Variants in LRGUK observed in about 807,000 individuals in gnomAD.
LRGUK encodes leucine-rich repeat and guanylate kinase domain-containing protein.
A neutral mutation model predicts 76.0 loss-of-function variants in LRGUK; 65 were observed. The ratio of observed to expected loss-of-function variants is 0.85; its 90% CI spans 0.70 to 1.05. LRGUK has a LOEUF of 1.05. LRGUK is among the 50% of genes least tolerant of loss of function. The probability of loss-of-function intolerance (pLI) is 0.00; values close to 1 mark genes in which losing one functional copy is unlikely to be tolerated. For missense variants in LRGUK, 758 were observed against 732.8 expected, an observed-to-expected ratio of 1.03 and a Z score of -0.40; for synonymous variants, 268 against 265.6, an observed-to-expected ratio of 1.01 and a Z score of -0.09.
At position 134,264,022 on chromosome 7, in the gene LRGUK, A is replaced by T. The variant is rs768449209; in HGVS notation, c.*47A>T. 4.4e-5 allele frequency: 68 copies of T among 1,558,828 alleles called. No individual in the cohort carries two copies. The South Asian group carries it at 8.5e-4, about 19-fold the overall frequency. On this transcript the variant is annotated 3_prime_UTR_variant, in exon 20 of 20. Coordinates refer to the LRGUK transcript ENST00000285928. ...CTAACATGGAAAACCTGCTCTGCTG[A>T]TGTCGAATTCCTTGCCTTACCTGGC...
At chr7:134,191,656 G>A (rs1197284104) in exon 12 of LRGUK, 2 of 1,603,448 alleles carry the variant, frequency 1.2e-6, no homozygotes, top group Non-Finnish European at 1.7e-6. Context: ...TGATTTCAGG[G>A]CCTGTCATAC....
At chr7:134,259,910 C>T (rs1247676118) in intron 19 of LRGUK, among the ~76,000 whole-genome samples, 2 of 152,078 alleles carry the variant, frequency 1.3e-5, no homozygotes, top group Non-Finnish European at 2.9e-5. Flanking sequence ...GTTCATGGAC[C>T]GTCCCCATCT....
At position 134,145,493 on chromosome 7, in the gene LRGUK, C is replaced by T. The variant is rs184587479; in HGVS notation, c.588+2331C>T. On this transcript the variant is annotated intron_variant, in intron 4 of 15. Coordinates refer to ENST00000645682, the Ensembl canonical transcript of LRGUK. ...AACTCCTGATCTCAGCTGATCTGCC[C>T]GCCTTGGCCTCCCAAAGTGCTGGGA... 1.9e-3 allele frequency among the ~76,000 whole-genome samples: 289 copies of T among 152,264 alleles called. 3 individuals carry two copies. The highest frequency in any genetic ancestry group is 3.4e-3 in the Non-Finnish European group (230 of 68,018).
chr7:134,161,223 A>T (rs1425089117), intron 6 of LRGUK, among the ~76,000 whole-genome samples: 1 of 152,214 alleles, frequency 6.6e-6, no homozygotes, highest in Non-Finnish European at 1.5e-5. Context: ...TATATTGTAT[A>T]TAAATTTGAT....
At position 134,199,382 on chromosome 7, in the gene LRGUK, C is replaced by T. The variant is rs373471331; in HGVS notation, c.1708C>T (p.Gln570Ter). 5.0e-6 allele frequency: 8 copies of T among 1,613,480 alleles called. No homozygotes were observed. The highest frequency in any genetic ancestry group is 6.8e-6 in the Non-Finnish European group (8 of 1,179,788). ...AGTGGACCTTTATATTAAAATTAATCAGAATTTTCCGGGATATTTTGATGA... is the reference window on the plus strand; with the variant it reads ...AGTGGACCTTTATATTAAAATTAATTAGAATTTTCCGGGATATTTTGATGA... The change falls in exon 14 of 16, where the codon CAG becomes TAG. Residue 570 changes from glutamine (Q) to a stop codon, truncating the protein, a stop_gained. Transcript: ENST00000645682. LOFTEE classifies it high-confidence loss of function.
intron 1 of LRGUK, among the ~76,000 whole-genome samples, chr7:134,129,133 TCC>T (rs1797167329): frequency 1.1e-5 from 1 of 91,054 alleles, no homozygotes; most frequent in African/African-American, 4.6e-5. Context: ...CCTCTTTCCC[TCC>T]CTCCCTCCCT....
chr7:134,181,231 T>C (rs1168192593), intron 10 of LRGUK, among the ~76,000 whole-genome samples: 1 of 152,190 alleles, frequency 6.6e-6, no homozygotes, highest in East Asian at 1.9e-4. Flanking sequence ...TTGCATGTTA[T>C]AACAATGTAT....
At chr7:134,238,399 A>G (rs568564037) in intron 16 of LRGUK, among the ~76,000 whole-genome samples, 1 of 151,620 alleles carries the variant, frequency 6.6e-6, no homozygotes, top group East Asian at 1.9e-4. Flanking sequence ...AATATTCATC[A>G]TTTTCTCTTG....
rs560729218 is a variant in LRGUK at position 134,127,682 on chromosome 7, C to T, written c.297+18C>T. The T allele has an allele frequency of 1.9e-6, 3 of 1,601,490 alleles. No individual in the cohort carries two copies. The highest frequency in any genetic ancestry group is 2.6e-6 in the Non-Finnish European group (3 of 1,173,322). On this transcript the variant is annotated intron_variant, in intron 1 of 15. Transcript: ENST00000645682. ...ATTTGGAGGTGTGTCTTCCCCCCCA[C>T]CCCGTACTCCCTGGCTCCCTCGTCC...
downstream of LRGUK, among the ~76,000 whole-genome samples, chr7:134,269,284 GT>G (rs1248717463): frequency 2.7e-5 from 4 of 150,134 alleles, no homozygotes; most frequent in African/African-American, 4.9e-5. Flanking sequence ...TAACCTTTCT[GT>G]TGTTAATTTC....
downstream of LRGUK, among the ~76,000 whole-genome samples, chr7:134,210,968 G>T (rs1801241890): frequency 6.6e-6 from 1 of 152,340 alleles, no homozygotes; most frequent in Admixed American, 6.5e-5. Flanking sequence ...CAAGGTTTAA[G>T]CCATCCCTGG....
exon 6 of LRGUK, chr7:134,158,145 A>G: frequency 1.9e-6 from 3 of 1,612,636 alleles, no homozygotes; most frequent in Non-Finnish European, 2.5e-6. Context: ...GTTACCAATC[A>G]AAATACTTTG....
chr7:134,221,041 C>T (rs1006328780), intron 15 of LRGUK, among the ~76,000 whole-genome samples: 6 of 152,050 alleles, frequency 3.9e-5, no homozygotes, highest in Non-Finnish European at 7.4e-5. Flanking sequence ...TCTTAGTTTC[C>T]GCCTTACTAT....
chr7:134,261,350 C>T (rs937399986), intron 19 of LRGUK, among the ~76,000 whole-genome samples: 1 of 151,810 alleles, frequency 6.6e-6, no homozygotes, highest in African/African-American at 2.4e-5. Context: ...TTGGTTTGGC[C>T]CTACATTCCA....
intron 5 of LRGUK, among the ~76,000 whole-genome samples, chr7:134,150,479 CAAA>C (rs11403705): frequency 4.5e-5 from 6 of 134,552 alleles, no homozygotes; most frequent in African/African-American, 5.6e-5. Context: ...AACAAGCAAA[CAAA>C]AAAAAAAAAA....
intron 7 of LRGUK, among the ~76,000 whole-genome samples, chr7:134,166,999 G>A (rs1799018092): frequency 6.6e-6 from 1 of 152,170 alleles, no homozygotes; most frequent in South Asian, 2.1e-4. Flanking sequence ...GTAATGAGAA[G>A]GGTTGGACTG....
chr7:134,234,225 AAG>A (rs1181663590), intron 16 of LRGUK, among the ~76,000 whole-genome samples: 1 of 151,942 alleles, frequency 6.6e-6, no homozygotes, highest in African/African-American at 2.4e-5. Context: ...CCCTTTTTCT[AAG>A]CATTATATGA....
intron 19 of LRGUK, among the ~76,000 whole-genome samples, chr7:134,260,516 G>GT (rs1201925577): frequency 6.6e-5 from 10 of 152,308 alleles, no homozygotes; most frequent in Admixed American, 2.6e-4. Flanking sequence ...AATTAGTGGC[G>GT]TGTGTTCTAA....
At chr7:134,258,460 G>A (rs1802639651) in intron 19 of LRGUK, 55 bp downstream of exon 19, 1 of 1,526,772 alleles carries the variant, frequency 6.5e-7, no homozygotes. Flanking sequence ...CACTTTGGGA[G>A]GCCGAGGCGA....
Sources: gnomAD v4.1 joint callset for allele counts (sites outside exome capture counted in the v4.1 genomes callset) on GRCh38, gnomAD v4.1.1 for gene constraint, MANE v1.5 for transcripts, NCBI Gene and HGNC (gene_info 2026-07-23, HGNC 2026-07-21) for gene names.